Variants in PCDH15 observed in about 807,000 individuals in gnomAD.
PCDH15 encodes the protein protocadherin related 15.
In PCDH15, 129 loss-of-function variants were observed where a neutral mutation model predicts 178.5. The ratio of observed to expected loss-of-function variants is 0.72; its 90% CI spans 0.63 to 0.84. The LOEUF is 0.84. Ranked by LOEUF, PCDH15 falls within the 40% of genes least tolerant of loss-of-function variation. The pLI is 0.00. For synonymous variants in PCDH15, 800 were observed against 732.0 expected, an observed-to-expected ratio of 1.09 and a Z score of -1.50; for missense variants, 2,230 against 2,099.9, an observed-to-expected ratio of 1.06 and a Z score of -1.21.
chr10:53,961,704 TC>T, intron 22 of PCDH15, 47 bp downstream of exon 22: 4 of 1,421,726 alleles, frequency 2.8e-6, no homozygotes, highest in Non-Finnish European at 3.7e-6. Context: ...AAATTCTCTA[TC>T]AAAAATTAAA....
intron 10 of PCDH15, among the ~76,000 whole-genome samples, chr10:54,206,849 T>C (rs1329353088): frequency 6.6e-6 from 1 of 152,040 alleles, no homozygotes; most frequent in Non-Finnish European, 1.5e-5. Flanking sequence ...CGGGAACATA[T>C]GTGATAGAGT....
Position 54,708,776 on chromosome 10 carries a change from T to A in PCDH15, c.-28-44486A>T, listed in dbSNP as rs1211153976. Reference sequence around the variant, plus strand: ...AGAATCACCCCAATGCAGGCCAGAATAACGTGTGTGTGTGTGTGTGTGTGT... The same window carrying A: ...AGAATCACCCCAATGCAGGCCAGAAAAACGTGTGTGTGTGTGTGTGTGTGT... On this transcript the variant is annotated intron_variant, in intron 1 of 37. Transcript: ENST00000644397. Among the ~76,000 whole-genome samples the A allele has an allele frequency of 3.7e-5, 5 of 134,608 alleles. No individual in the cohort carries two copies. In the East Asian group the frequency reaches 9.6e-4, roughly 26 times the overall value. The allele number at this position is 134,608 out of a possible 152,430, so 88.3% of individuals were successfully genotyped here.
At chr10:54,295,460 A>C (rs2059692390) in intron 8 of PCDH15, among the ~76,000 whole-genome samples, 1 of 152,170 alleles carries the variant, frequency 6.6e-6, no homozygotes, top group South Asian at 2.1e-4. Context: ...GGCTCTTTGC[A>C]ATAAATCTTG....
chr10:55,216,690 C>T (rs1840712757), intron 1 of PCDH15, among the ~76,000 whole-genome samples: 2 of 151,910 alleles, frequency 1.3e-5, no homozygotes, highest in South Asian at 4.1e-4. Flanking sequence ...TGTATTAAAA[C>T]ATGTTGTACT....
At chr10:55,071,988 T>C (rs1157836919) in intron 2 of PCDH15, among the ~76,000 whole-genome samples, 1 of 151,212 alleles carries the variant, frequency 6.6e-6, no homozygotes, top group Non-Finnish European at 1.5e-5. Flanking sequence ...AACCTGCTCC[T>C]GAATGACTAC....
chr10:54,453,948 G>A (rs982149641), intron 3 of PCDH15, among the ~76,000 whole-genome samples: 1 of 151,582 alleles, frequency 6.6e-6, no homozygotes, highest in African/African-American at 2.4e-5. Flanking sequence ...AATTTGTTAC[G>A]GCAGCTCTAG....
chr10:55,207,136 T>C (rs927338078), intron 1 of PCDH15, among the ~76,000 whole-genome samples: 1 of 152,100 alleles, frequency 6.6e-6, no homozygotes, highest in Admixed American at 6.5e-5. Context: ...GAGTAATTAC[T>C]TCTCTGAAAA....
chr10:55,067,068 A>C (rs1338792504), intron 2 of PCDH15, among the ~76,000 whole-genome samples: 1 of 152,022 alleles, frequency 6.6e-6, no homozygotes, highest in East Asian at 1.9e-4. Flanking sequence ...AAAGAGAGAC[A>C]TGAAAGAGGT....
chr10:55,131,394 T>A (rs1489069992), intron 2 of PCDH15, among the ~76,000 whole-genome samples: 1 of 152,132 alleles, frequency 6.6e-6, no homozygotes, highest in African/African-American at 2.4e-5. Context: ...CTCAGGGAGC[T>A]CCTTGGTCTG....
intron 35 of PCDH15, among the ~76,000 whole-genome samples, chr10:53,813,302 C>T (rs1312600410): frequency 6.6e-6 from 1 of 152,158 alleles, no homozygotes; most frequent in African/African-American, 2.4e-5. Context: ...ACCCTAGATC[C>T]TGTAGGTATT....
At chr10:54,802,711 A>G (rs182875133), upstream of PCDH15, among the ~76,000 whole-genome samples, 1 of 152,300 alleles carries the variant, frequency 6.6e-6, no homozygotes, top group Admixed American at 6.5e-5. Context: ...CAATCCATAT[A>G]TTGATATTTG....
intron 9 of PCDH15, among the ~76,000 whole-genome samples, chr10:54,219,519 G>T (rs1452928620): frequency 6.7e-6 from 1 of 149,150 alleles, no homozygotes; most frequent in Non-Finnish European, 1.5e-5. Flanking sequence ...TGCGAACCTG[G>T]GAGGTGGAGC....
chr10:55,015,735 T>C (rs916032846), intron 2 of PCDH15, among the ~76,000 whole-genome samples: 9 of 152,182 alleles, frequency 5.9e-5, no homozygotes, highest in African/African-American at 2.2e-4. Flanking sequence ...CTAGTATCAG[T>C]GGGCCAGTTC....
intron 1 of PCDH15, among the ~76,000 whole-genome samples, chr10:55,193,490 A>G (rs1385935680): frequency 6.6e-6 from 1 of 151,998 alleles, no homozygotes; most frequent in Non-Finnish European, 1.5e-5. Context: ...TTGATTTAAA[A>G]CAAGATAATG....
chr10:53,947,343 G>C (rs1315020497), intron 23 of PCDH15, among the ~76,000 whole-genome samples: 1 of 151,976 alleles, frequency 6.6e-6, no homozygotes, highest in Admixed American at 6.5e-5. Context: ...TATTTTAAAA[G>C]CCAGGCAATT....
chr10:54,735,421 CT>C (rs751961369), intron 1 of PCDH15, among the ~76,000 whole-genome samples: 67 of 151,802 alleles, frequency 4.4e-4, no homozygotes, highest in Admixed American at 2.0e-4. Flanking sequence ...GTTGGTGGGA[CT>C]GTAAACTAGT....
Position 54,966,611 on chromosome 10 carries a change from C to T in PCDH15, c.-79-69111G>A, listed in dbSNP as rs545892418. On this transcript the variant is annotated intron_variant, in intron 2 of 5. Transcript: ENST00000458638. ...CTTGAATTACAGCTCCCATAATTCC[C>T]ACTTGTTGTGGGAGAGGCACAGTGG... Among the ~76,000 whole-genome samples, 6 of 152,218 alleles carry T rather than the reference C, an allele frequency of 3.9e-5. No homozygotes were observed. The East Asian group carries it at 1.2e-3, about 29-fold the overall frequency.
rs187366528 is a variant in PCDH15 at position 55,220,685 on chromosome 10, T to C, written c.-155-54034A>G. 7.4e-3 allele frequency among the ~76,000 whole-genome samples: 1,119 copies of C among 152,158 alleles called. 9 individuals carry two copies. Among genetic ancestry groups the C allele is most frequent in the Non-Finnish European group, 0.01 (705 of 67,986 alleles). ...CTTAGAAAAGATACAGTGAAAAATATGATATCATGATTCTCTGGGGGCATG... is the reference window on the plus strand; with the variant it reads ...CTTAGAAAAGATACAGTGAAAAATACGATATCATGATTCTCTGGGGGCATG... On this transcript the variant is annotated intron_variant, in intron 1 of 5. Transcript: ENST00000458638.
intron 20 of PCDH15, among the ~76,000 whole-genome samples, chr10:54,005,695 A>AC (rs1394775509): frequency 3.3e-5 from 5 of 152,068 alleles, no homozygotes; most frequent in African/African-American, 9.7e-5. Context: ...AGGAACCCTC[A>AC]CACACTGATG....
Sources: allele counts gnomAD v4.1 joint callset (sites outside exome capture counted in the v4.1 genomes callset), GRCh38; gene constraint gnomAD v4.1.1; transcripts MANE v1.5; gene names NCBI Gene and HGNC (gene_info 2026-07-23, HGNC 2026-07-21).